The following PLEKHA5 variants were observed in gnomAD, a reference collection of about 807,000 sequenced individuals.
PLEKHA5 encodes the protein pleckstrin homology domain containing A5, also known as pleckstrin homology domain-containing family A member 5.
In PLEKHA5, 55 loss-of-function variants were observed where a neutral mutation model predicts 181.9. The ratio of observed to expected loss-of-function variants is 0.30; its 90% CI spans 0.24 to 0.38. PLEKHA5 has a LOEUF of 0.38. Among genes scored for constraint, PLEKHA5 ranks in the 10% least tolerant of loss-of-function variants. PLEKHA5 has a pLI of 1.00. For synonymous variants in PLEKHA5, 535 were observed against 529.4 expected (o/e 1.01, Z -0.15); for missense variants, 1,432 against 1,549.5 (o/e 0.92, Z 1.27).
chr12:19,171,698 C>A (rs561378769), intron 3 of PLEKHA5, among the ~76,000 whole-genome samples: 2 of 152,308 alleles, frequency 1.3e-5, no homozygotes, highest in East Asian at 1.9e-4. Context: ...TTTAAAAATT[C>A]TTGACTCTTG....
At chr12:19,264,895 T>C (rs1565538063) in intron 7 of PLEKHA5, among the ~76,000 whole-genome samples, 1 of 152,234 alleles carries the variant, frequency 6.6e-6, no homozygotes, top group Non-Finnish European at 1.5e-5. Context: ...ACTTGTCTTA[T>C]AGGTCTATAA....
intron 3 of PLEKHA5, among the ~76,000 whole-genome samples, chr12:19,181,039 TA>T (rs11285788): frequency 0.89 from 130,473 of 146,918 alleles, 58,435 homozygotes; most frequent in Non-Finnish European, 0.97. Context: ...GTTGAAATTG[TA>T]AAAAAAAAAA....
In PLEKHA5 at chr12:19,130,211, C is replaced by T; in HGVS notation, c.169+81C>T. The T allele has an allele frequency of 2.5e-6, 2 of 803,848 alleles. No individual in the cohort carries two copies. Among genetic ancestry groups the T allele is most frequent in the Non-Finnish European group, 3.4e-6 (2 of 583,836 alleles). The allele number at this position is 803,848 out of a possible 1,614,324, so 49.8% of individuals were successfully genotyped here. A position where few individuals can be genotyped will look rare whatever the true frequency, so the allele number is the denominator to read the frequency against. On this transcript the variant is annotated intron_variant, in intron 2 of 31. Transcript: ENST00000429027. This position sits in a 1 kb window ranked among gnomAD's most constrained non-coding sequence, Gnocchi z 4.5. ...GGCCGCCCGGCTCCCCGCAACCTGC[C>T]CCGCGCCGCGGGCCCCGGGAGGCGG...
rs749695080 is a variant in PLEKHA5, at chr12:19,130,084, C to T, written c.123C>T (p.Pro41=). Residue 41 remains proline (P), a synonymous_variant, in exon 2 of 32, where the codon CCC becomes CCT. Coordinates refer to ENST00000429027, the MANE Select transcript of PLEKHA5 (RefSeq NM_001256470.2). This position sits in a 1 kb window ranked among gnomAD's most constrained non-coding sequence, Gnocchi z 4.5. The part of the protein sequence containing the change: ...EEAKSTTWLH[P]VTGEAVVTGH... Reference sequence around the variant, plus strand: ...CCAAGAGCACCACCTGGCTGCACCCCGTCACCGGCGAGGCGGTGGTCACCG... The same window carrying T: ...CCAAGAGCACCACCTGGCTGCACCCTGTCACCGGCGAGGCGGTGGTCACCG... 1.8e-5 allele frequency: 28 copies of T among 1,590,530 alleles called. No individual in the cohort carries two copies. Among genetic ancestry groups the T allele is most frequent in the East Asian group, 1.2e-4 (5 of 43,032 alleles).
chr12:19,268,718 G>A (rs976643523), intron 8 of PLEKHA5, among the ~76,000 whole-genome samples: 5 of 152,110 alleles, frequency 3.3e-5, no homozygotes, highest in African/African-American at 1.2e-4. Context: ...TTGAGTCATG[G>A]CTAGAACTGG....
chr12:19,375,168 A>AG (rs1172123542), intron 31 of PLEKHA5, among the ~76,000 whole-genome samples: 3 of 151,900 alleles, frequency 2.0e-5, no homozygotes, highest in Non-Finnish European at 4.4e-5. Context: ...TACTAAAAAT[A>AG]CAAAAATTAG....
At chr12:19,171,211 T>C (rs928892279) in intron 3 of PLEKHA5, among the ~76,000 whole-genome samples, 1 of 152,158 alleles carries the variant, frequency 6.6e-6, no homozygotes, top group Non-Finnish European at 1.5e-5. Context: ...AAGACTGTGA[T>C]TGTTAAGAAG....
chr12:19,298,682 C>T (rs1466699826), intron 15 of PLEKHA5, among the ~76,000 whole-genome samples: 1 of 151,802 alleles, frequency 6.6e-6, no homozygotes, highest in African/African-American at 2.4e-5. Context: ...AGCTTGTCAT[C>T]TTTATCCCTC....
At chr12:19,348,833 C>T (rs1043447222) in intron 25 of PLEKHA5, among the ~76,000 whole-genome samples, 10 of 152,010 alleles carry the variant, frequency 6.6e-5, no homozygotes, top group East Asian at 1.9e-4. Flanking sequence ...CATGGTGGCA[C>T]GTGCCTGAAT....
At chr12:19,290,289 G>A (rs956767540) in intron 13 of PLEKHA5, among the ~76,000 whole-genome samples, 5 of 152,178 alleles carry the variant, frequency 3.3e-5, no homozygotes, top group African/African-American at 1.2e-4. Context: ...GCAGGTATTT[G>A]TACTATTGCT....
At chr12:19,360,851 G>A (rs185348500) in intron 28 of PLEKHA5, among the ~76,000 whole-genome samples, 25 of 151,898 alleles carry the variant, frequency 1.6e-4, no homozygotes, top group Non-Finnish European at 3.1e-4. Flanking sequence ...TGCCTCCCAG[G>A]TTCAAGTGAT....
intron 3 of PLEKHA5, among the ~76,000 whole-genome samples, chr12:19,189,776 G>T (rs1020531606): frequency 3.3e-5 from 5 of 152,102 alleles, no homozygotes; most frequent in Non-Finnish European, 5.9e-5. Context: ...AAGGACTAGG[G>T]TGACATAACT....
At chr12:19,259,300 G>T (rs916264309) in intron 6 of PLEKHA5, among the ~76,000 whole-genome samples, 8 of 152,032 alleles carry the variant, frequency 5.3e-5, no homozygotes, top group African/African-American at 1.9e-4. Flanking sequence ...CCCAGGATTT[G>T]AGCTTGCAGT....
intron 3 of PLEKHA5, among the ~76,000 whole-genome samples, chr12:19,183,171 TAAG>T (rs2151868415): frequency 6.6e-6 from 1 of 152,284 alleles, no homozygotes; most frequent in South Asian, 2.1e-4. Context: ...ATATACAACT[TAAG>T]GAGTCATGAA....
chr12:19,267,362 A>G (rs2070808880), intron 8 of PLEKHA5, among the ~76,000 whole-genome samples: 1 of 152,170 alleles, frequency 6.6e-6, no homozygotes, highest in Admixed American at 6.5e-5. Context: ...GCTAATTAAT[A>G]TGTTACATGA....
Position 19,304,088 on chromosome 12 carries a change from C to T in PLEKHA5, c.2038-10726C>T, listed in dbSNP as rs117670213. Among the ~76,000 whole-genome samples, 72 of 150,210 alleles carry T rather than the reference C, an allele frequency of 4.8e-4. 1 individual carries two copies. In the East Asian group the frequency reaches 0.014, roughly 29 times the overall value. The stretch of plus-strand genomic sequence containing the variant: ...CCTCCCAAAGTGCTGGTACTATAGG[C>T]GTGAGCCACCGCGCATGGCCGAGAC... On this transcript the variant is annotated intron_variant, in intron 15 of 31. Coordinates refer to ENST00000429027, the MANE Select transcript of PLEKHA5 (RefSeq NM_001256470.2).
chr12:19,344,976 G>A (rs544643649), intron 22 of PLEKHA5, among the ~76,000 whole-genome samples: 1 of 151,302 alleles, frequency 6.6e-6, no homozygotes, highest in Non-Finnish European at 1.5e-5. Flanking sequence ...ACAAAAATTG[G>A]CCAGGTGTGG....
At chr12:19,142,039 T>G (rs879480802) in intron 3 of PLEKHA5, among the ~76,000 whole-genome samples, 1 of 152,128 alleles carries the variant, frequency 6.6e-6, no homozygotes, top group Non-Finnish European at 1.5e-5. Context: ...ATTCCAACTT[T>G]CGCTAAAGTG....
At chr12:19,173,877 A>G (rs1208106804) in intron 3 of PLEKHA5, among the ~76,000 whole-genome samples, 1 of 152,230 alleles carries the variant, frequency 6.6e-6, no homozygotes, top group East Asian at 1.9e-4. Context: ...AAAATCAAAC[A>G]TTAGGTTTTA....
Sources: allele counts gnomAD v4.1 joint callset (sites outside exome capture counted in the v4.1 genomes callset), GRCh38; gene constraint gnomAD v4.1.1; non-coding constraint Gnocchi (gnomAD v3.1); transcripts MANE v1.5; gene names NCBI Gene and HGNC (gene_info 2026-07-23, HGNC 2026-07-21).